The following ASB10 variants were observed in gnomAD, a reference collection of about 807,000 sequenced individuals.
ASB10 encodes ankyrin repeat and SOCS box protein 10.
ASB10 carries 44 observed loss-of-function variants against 35.4 expected under a neutral mutation model. The observed-to-expected ratio is 1.24, with a 90% CI of 0.98 to 1.60. The LOEUF (loss-of-function observed/expected upper bound fraction) is 1.60. ASB10 is among the 40% of genes most tolerant of loss of function. ASB10 has a pLI of 0.00. For synonymous variants in ASB10, 294 were observed against 280.4 expected, an observed-to-expected ratio of 1.05 and a Z score of -0.49; for missense variants, 647 against 634.3, an observed-to-expected ratio of 1.02 and a Z score of -0.22.
chr7:151,175,929 G>A lies in ASB10; in HGVS notation c.*38C>T, dbSNP rs1186510786. On this transcript the variant is annotated 3_prime_UTR_variant, in exon 6 of 6. Coordinates refer to ENST00000420175, the MANE Select transcript of ASB10 (RefSeq NM_001142459.2). ...AGAGGCGCGCCCTCTGCAGGCTGGGGCATCTGCTTTCAGGCCCTCTCAAAA... is the reference window on the plus strand; with the variant it reads ...AGAGGCGCGCCCTCTGCAGGCTGGGACATCTGCTTTCAGGCCCTCTCAAAA... 5.3e-6 allele frequency: 4 copies of A among 760,524 alleles called. No homozygotes were observed. The highest frequency in any genetic ancestry group is 3.0e-5 in the East Asian group (1 of 33,024). 47.1% of individuals were successfully genotyped at this position (760,524 alleles called of 1,614,324 possible). A position where few individuals can be genotyped will look rare whatever the true frequency, so the allele number is the denominator to read the frequency against.
In ASB10 at chr7:151,180,932, C is replaced by T. The variant is rs749873584; in HGVS notation, c.1104+7G>A. ...GGTGGCCCTCCTGCTGCCTGCAGCC[C>T]CCATACCTTGGGGAGGGCCCCTGGC... On this transcript the variant is annotated splice_region_variant and intron_variant, in intron 3 of 5. Coordinates refer to ENST00000420175, the MANE Select transcript of ASB10 (RefSeq NM_001142459.2). The T allele has an allele frequency of 5.3e-6, 8 of 1,512,790 alleles. No individual in the cohort carries two copies. The highest frequency in any genetic ancestry group is 2.4e-5 in the East Asian group (1 of 42,412). The allele number at this position is 1,512,790 out of a possible 1,614,324, so 93.7% of individuals were successfully genotyped here.
Position 151,186,833 on chromosome 7 carries a change from A to T in ASB10, c.298T>A (p.Phe100Ile). The change falls in exon 1 of 6, where the codon TTC (phenylalanine) becomes ATC (isoleucine). Residue 100 changes from phenylalanine to isoleucine, a missense_variant. Physicochemically the swap from Phe to Ile is conservative, Grantham distance 21. Transcript: ENST00000420175. Reference protein sequence around the residue: ...SDPERWRDFRFNIRALRLWSL... With the variant: ...SDPERWRDFRINIRALRLWSL... The stretch of plus-strand genomic sequence containing the variant: ...CCCGTACTCAGAGCACGGATGTTGA[A>T]GCGGAAATCCCTCCATCGCTCTGGG... 1.9e-6 allele frequency: 3 copies of T among 1,601,298 alleles called. No homozygotes were observed. Among genetic ancestry groups the T allele is most frequent in the Non-Finnish European group, 2.6e-6 (3 of 1,171,260 alleles).
chr7:151,177,596 C>T (rs1279213087), intron 3 of ASB10, among the ~76,000 whole-genome samples: 1 of 151,362 alleles, frequency 6.6e-6, no homozygotes, highest in East Asian at 2.0e-4. Flanking sequence ...CAAGAGGGGG[C>T]CAGGGAGTGG....
chr7:151,187,529 A>G, upstream of ASB10: 3 of 1,551,488 alleles, frequency 1.9e-6, no homozygotes, highest in Non-Finnish European at 2.6e-6. This position sits in a 1 kb window ranked among gnomAD's most constrained non-coding sequence, Gnocchi z 5.3. Flanking sequence ...CGGGGGGAAC[A>G]GCTCCTGCAA....
chr7:151,178,559 G>A (rs1801431321), intron 3 of ASB10, among the ~76,000 whole-genome samples: 1 of 152,236 alleles, frequency 6.6e-6, no homozygotes, highest in Non-Finnish European at 1.5e-5. Context: ...AAACAGCTAA[G>A]TATTGTCTTT....
chr7:151,184,209 C>T (rs1052327951), intron 2 of ASB10, among the ~76,000 whole-genome samples: 5 of 151,274 alleles, frequency 3.3e-5, no homozygotes, highest in African/African-American at 4.9e-5. Flanking sequence ...GTCAGGAGAT[C>T]GAGACCATCC....
intron 2 of ASB10, among the ~76,000 whole-genome samples, chr7:151,186,183 G>A (rs1191916334): frequency 6.6e-6 from 1 of 152,152 alleles, no homozygotes; most frequent in Non-Finnish European, 1.5e-5. Context: ...TCCACCCCTG[G>A]GAGACCAGAA....
At chr7:151,184,846 C>T (rs549986692) in intron 2 of ASB10, among the ~76,000 whole-genome samples, 11 of 152,056 alleles carry the variant, frequency 7.2e-5, no homozygotes, top group African/African-American at 2.4e-4. Flanking sequence ...CACTGTGAAA[C>T]CGCGTCTCTA....
chr7:151,181,825 G>T (rs989813385), intron 2 of ASB10, among the ~76,000 whole-genome samples: 1 of 152,076 alleles, frequency 6.6e-6, no homozygotes, highest in African/African-American at 2.4e-5. Context: ...TGTTTGCCAG[G>T]CTGGTCTCAA....
rs916622465 is a variant in ASB10 at position 151,180,955 on chromosome 7, G to C, written c.1088C>G (p.Pro363Arg). 1.3e-6 allele frequency: 2 copies of C among 1,551,592 alleles called. No homozygotes were observed. Among genetic ancestry groups the C allele is most frequent in the East Asian group, 2.3e-5 (1 of 43,644 alleles). Residue 363 changes from proline to arginine, a missense_variant, in exon 3 of 6, where the codon CCA becomes CGA. Transcript: ENST00000420175. ...CCCCCATACCTTGGGGAGGGCCCCT[G>C]GCCAGACACGGACGGCGCCATGGTT... is the stretch of plus-strand genomic sequence containing the variant. ...LLNHGAVRVW[P>R]GALPKVLERW... is the part of the protein sequence containing the mutation.
chr7:151,183,468 C>T (rs1415366198), intron 2 of ASB10, among the ~76,000 whole-genome samples: 3 of 152,162 alleles, frequency 2.0e-5, no homozygotes, highest in African/African-American at 7.2e-5. Context: ...AATACAGTGG[C>T]GTGATCTCCA....
At chr7:151,176,485 A>G in intron 4 of ASB10, 78 bp downstream of exon 4, 12 of 1,490,258 alleles carry the variant, frequency 8.1e-6, no homozygotes, top group South Asian at 6.4e-5. Context: ...GGTACTTTCT[A>G]TGGGGGGCTG....
At position 151,176,691 on chromosome 7, in the gene ASB10, G is replaced by A. The variant is rs1343750295; in HGVS notation, c.1105-15C>T. ...CGCTCCAGCACCTGTGGGAGGCAGA[G>A]GCATGTTGGGTCCTCAGTCAGTCCA... On this transcript the variant is annotated splice_polypyrimidine_tract_variant and intron_variant, in intron 3 of 5. Coordinates refer to ENST00000420175, the MANE Select transcript of ASB10 (RefSeq NM_001142459.2). 2 of 1,527,378 alleles carry A rather than the reference G, an allele frequency of 1.3e-6. No individual in the cohort carries two copies. The highest frequency in any genetic ancestry group is 2.5e-5 in the East Asian group (1 of 40,750). The allele number at this position is 1,527,378 out of a possible 1,614,324, so 94.6% of individuals were successfully genotyped here.
At chr7:151,179,874 G>A (rs369579491) in intron 3 of ASB10, among the ~76,000 whole-genome samples, 1 of 152,236 alleles carries the variant, frequency 6.6e-6, no homozygotes, top group Non-Finnish European at 1.5e-5. Context: ...TAATTATCTA[G>A]TGTTAATAGG....
intron 3 of ASB10, 98 bp downstream of exon 3, chr7:151,180,841 A>G (rs1584813818): frequency 1.4e-6 from 2 of 1,413,338 alleles, no homozygotes; most frequent in Non-Finnish European, 9.2e-7. Flanking sequence ...GAACCAATCT[A>G]TGTGCACAGG....
chr7:151,185,112 CTTT>C (rs751001812), intron 2 of ASB10, among the ~76,000 whole-genome samples: 6 of 127,984 alleles, frequency 4.7e-5, no homozygotes, highest in Non-Finnish European at 3.3e-5. Context: ...ACATATTTGT[CTTT>C]TTTTTTTTTT....
chr7:151,183,490 C>G (rs1801532120), intron 2 of ASB10, among the ~76,000 whole-genome samples: 1 of 152,240 alleles, frequency 6.6e-6, no homozygotes, highest in Non-Finnish European at 1.5e-5. Flanking sequence ...TCACTGCAAC[C>G]TCCGCCTCAC....
chr7:151,184,793 C>G (rs987369683), intron 2 of ASB10, among the ~76,000 whole-genome samples: 1 of 151,956 alleles, frequency 6.6e-6, no homozygotes, highest in African/African-American at 2.4e-5. Context: ...GAGGCCGAGG[C>G]GGGCAGAACA....
In ASB10 at chr7:151,186,516, C is replaced by T. The variant is rs139505650; in HGVS notation, c.460G>A (p.Glu154Lys). The T allele has an allele frequency of 2.4e-5, 38 of 1,602,410 alleles. No homozygotes were observed. The highest frequency in any genetic ancestry group is 1.5e-4 in the African/African-American group (11 of 74,698). Residue 154 changes from glutamate (E) to lysine (K), a missense_variant, in exon 2 of 6, where the codon GAG becomes AAG. By Grantham distance (56) the Glu-to-Lys change is moderately conservative. Coordinates refer to ENST00000420175, the MANE Select transcript of ASB10 (RefSeq NM_001142459.2). The part of the protein sequence containing the change: ...SAPGGRTALH[E>K]ACAAGHTACV... ...GCAGTGTGGCCTGCAGCACAGGCCT[C>T]GTGCAGGGCGGTGCGGCCCCCAGGG...
Sources: allele counts gnomAD v4.1 joint callset (sites outside exome capture counted in the v4.1 genomes callset), GRCh38; gene constraint gnomAD v4.1.1; non-coding constraint Gnocchi (gnomAD v3.1); transcripts MANE v1.5; gene names NCBI Gene and HGNC (gene_info 2026-07-23, HGNC 2026-07-21).